XPR1: variants seen among roughly 807,000 people sequenced by gnomAD.
The protein encoded by XPR1 is xenotropic and polytropic retrovirus receptor 1, also known as solute carrier family 53 member 1.
XPR1 carries 28 observed loss-of-function variants against 87.5 expected under a neutral mutation model. The observed-to-expected ratio is 0.32, with a 90% CI of 0.24 to 0.44. XPR1 has a LOEUF of 0.44. XPR1 is among the 20% of genes least tolerant of loss of function. XPR1 has a pLI of 1.00. For synonymous variants in XPR1, 300 were observed against 306.1 expected, an observed-to-expected ratio of 0.98 and a Z score of 0.21; for missense variants, 559 against 862.3, an observed-to-expected ratio of 0.65 and a Z score of 4.41.
At chr1:180,650,639 G>A (rs758060417) in intron 1 of XPR1, among the ~76,000 whole-genome samples, 2 of 152,180 alleles carry the variant, frequency 1.3e-5, no homozygotes, top group Non-Finnish European at 2.9e-5. Flanking sequence ...ACAAGAGTGA[G>A]GAAGATAAGA....
intron 2 of XPR1, among the ~76,000 whole-genome samples, chr1:180,778,835 TTA>T (rs1300329718): frequency 6.6e-6 from 1 of 152,226 alleles, no homozygotes; most frequent in Non-Finnish European, 1.5e-5. Flanking sequence ...TATTTTAAAA[TTA>T]TCATTTAATA....
At chr1:180,672,606 A>C (rs6671675) in intron 1 of XPR1, among the ~76,000 whole-genome samples, 11,650 of 152,180 alleles carry the variant, frequency 0.077, 1,246 homozygotes, top group African/African-American at 0.24. Context: ...GAAAACATTT[A>C]TAATTTTTAG....
At chr1:180,802,658 C>G (rs758439380) in intron 3 of XPR1, among the ~76,000 whole-genome samples, 11 of 152,196 alleles carry the variant, frequency 7.2e-5, no homozygotes, top group African/African-American at 2.7e-4. Context: ...AGACATATCT[C>G]GTACCCATTA....
At chr1:180,776,309 T>A (rs1205058949) in intron 2 of XPR1, among the ~76,000 whole-genome samples, 7 of 152,272 alleles carry the variant, frequency 4.6e-5, no homozygotes, top group African/African-American at 1.7e-4. Flanking sequence ...TTCTTAACAT[T>A]TATGTCTATA....
chr1:180,659,664 A>C (rs1655697132), intron 1 of XPR1, among the ~76,000 whole-genome samples: 1 of 139,914 alleles, frequency 7.1e-6, no homozygotes, highest in African/African-American at 2.7e-5. Context: ...GATTACAGGC[A>C]CCTGCCACCA....
At chr1:180,807,559 T>C (rs1190513154) in intron 6 of XPR1, among the ~76,000 whole-genome samples, 1 of 152,156 alleles carries the variant, frequency 6.6e-6, no homozygotes, top group African/African-American at 2.4e-5. Context: ...ATTAAAGACT[T>C]GGATGAGAGA....
rs189575089 is a variant in XPR1, at chr1:180,721,961, G to A, written c.121+39550G>A. Among the ~76,000 whole-genome samples, 304 of 152,236 alleles carry A rather than the reference G, an allele frequency of 2.0e-3. 4 individuals are homozygous for A. Among genetic ancestry groups the A allele is most frequent in the East Asian group, 1.4e-3 (7 of 5,182 alleles). On this transcript the variant is annotated intron_variant, in intron 2 of 14. Transcript: ENST00000367590. Reference sequence around the variant, plus strand: ...GGGTATTAGTAGTTAAGTTTTTGGAGAGTCAAAAGATGTACGTAAGGCCAG... The same window carrying A: ...GGGTATTAGTAGTTAAGTTTTTGGAAAGTCAAAAGATGTACGTAAGGCCAG...
chr1:180,791,477 A>G (rs773832185), intron 3 of XPR1, among the ~76,000 whole-genome samples: 3 of 152,096 alleles, frequency 2.0e-5, no homozygotes, highest in African/African-American at 4.8e-5. Flanking sequence ...GGGTTTCACC[A>G]TGTTGGCCAG....
chr1:180,734,688 A>G (rs1377433394), intron 2 of XPR1, among the ~76,000 whole-genome samples: 1 of 152,202 alleles, frequency 6.6e-6, no homozygotes. Flanking sequence ...GTATCAGCCC[A>G]GTAAGTAATT....
intron 11 of XPR1, among the ~76,000 whole-genome samples, chr1:180,858,285 TAAC>T (rs1652101559): frequency 6.6e-6 from 1 of 152,150 alleles, no homozygotes; most frequent in South Asian, 2.1e-4. Flanking sequence ...ACCACCCTAA[TAAC>T]AATTATTTTC....
At chr1:180,814,921 A>T (rs1650348329) in intron 7 of XPR1, among the ~76,000 whole-genome samples, 1 of 151,470 alleles carries the variant, frequency 6.6e-6, no homozygotes, top group Non-Finnish European at 1.5e-5. Flanking sequence ...AGAAGGAGGG[A>T]GTGAGTTATG....
At chr1:180,683,660 A>G (rs1426813189) in intron 2 of XPR1, among the ~76,000 whole-genome samples, 1 of 152,134 alleles carries the variant, frequency 6.6e-6, no homozygotes, top group East Asian at 1.9e-4. Flanking sequence ...TCATCATTCT[A>G]ACTGGTGTGA....
At chr1:180,698,081 A>T (rs572071935) in intron 2 of XPR1, among the ~76,000 whole-genome samples, 3 of 152,096 alleles carry the variant, frequency 2.0e-5, no homozygotes, top group Non-Finnish European at 4.4e-5. Flanking sequence ...CTCTTTCTTT[A>T]GATCTAGCAT....
At chr1:180,692,641 T>C (rs1657029018) in intron 2 of XPR1, among the ~76,000 whole-genome samples, 1 of 152,182 alleles carries the variant, frequency 6.6e-6, no homozygotes, top group Non-Finnish European at 1.5e-5. Flanking sequence ...TCTATAAAGA[T>C]GTCACTAACT....
chr1:180,813,420 A>G (rs1386282705), intron 7 of XPR1, among the ~76,000 whole-genome samples: 1 of 152,138 alleles, frequency 6.6e-6, no homozygotes, highest in Non-Finnish European at 1.5e-5. Flanking sequence ...CCTTTAGCCT[A>G]CGTTAGTTTT....
intron 2 of XPR1, among the ~76,000 whole-genome samples, chr1:180,726,978 C>T (rs369265608): frequency 8.6e-5 from 13 of 151,720 alleles, no homozygotes; most frequent in African/African-American, 1.5e-4. Context: ...GGGTTCACGC[C>T]GTTCTCCTGC....
chr1:180,720,424 A>G (rs1246191950), intron 2 of XPR1, among the ~76,000 whole-genome samples: 1 of 152,192 alleles, frequency 6.6e-6, no homozygotes, highest in Non-Finnish European at 1.5e-5. Context: ...TTGAGGAAAT[A>G]GGTCATGGTA....
intron 2 of XPR1, among the ~76,000 whole-genome samples, chr1:180,714,686 C>T (rs1302636629): frequency 1.3e-5 from 2 of 151,966 alleles, no homozygotes; most frequent in East Asian, 1.9e-4. Flanking sequence ...ATTACAGGTG[C>T]GAACCACCAC....
intron 2 of XPR1, among the ~76,000 whole-genome samples, chr1:180,707,389 A>G (rs1434371144): frequency 1.3e-5 from 2 of 152,264 alleles, no homozygotes; most frequent in South Asian, 2.1e-4. Context: ...CTATGTATCT[A>G]TGTATTTTCA....
Sources: gnomAD v4.1 joint callset for allele counts (sites outside exome capture counted in the v4.1 genomes callset) on GRCh38, gnomAD v4.1.1 for gene constraint, MANE v1.5 for transcripts, NCBI Gene and HGNC (gene_info 2026-07-23, HGNC 2026-07-21) for gene names.